The following ASAP2 variants were observed in gnomAD, a reference collection of about 807,000 sequenced individuals.
The protein encoded by ASAP2 is arf-GAP with SH3 domain, ANK repeat and PH domain-containing protein 2.
Under a neutral mutation model 131.4 loss-of-function variants are expected in ASAP2, and 45 were observed. The observed-to-expected ratio is 0.34, with a 90% CI of 0.27 to 0.44. The LOEUF (loss-of-function observed/expected upper bound fraction) is 0.44. ASAP2 is among the 20% of genes least tolerant of loss of function. ASAP2 has a pLI of 1.00. For synonymous variants in ASAP2, 510 were observed against 503.0 expected, an observed-to-expected ratio of 1.01 and a Z score of -0.19; for missense variants, 1,011 against 1,297.0, an observed-to-expected ratio of 0.78 and a Z score of 3.39.
At chr2:9,214,569 G>A (rs1420521382) in intron 1 of ASAP2, among the ~76,000 whole-genome samples, 2 of 151,722 alleles carry the variant, frequency 1.3e-5, no homozygotes, top group Admixed American at 6.6e-5. Context: ...TACCATTATC[G>A]TTTTTATCAT....
chr2:9,372,470 A>T (rs1355737241), intron 16 of ASAP2, among the ~76,000 whole-genome samples: 2 of 152,178 alleles, frequency 1.3e-5, no homozygotes, highest in African/African-American at 2.4e-5. Context: ...AAGCAAAATG[A>T]TGTATAAGAA....
At chr2:9,303,010 A>G (rs1668597727) in intron 3 of ASAP2, among the ~76,000 whole-genome samples, 1 of 152,042 alleles carries the variant, frequency 6.6e-6, no homozygotes, top group Admixed American at 6.5e-5. Flanking sequence ...CCATATTAGT[A>G]AGGCTTGTCT....
intron 1 of ASAP2, among the ~76,000 whole-genome samples, chr2:9,230,984 C>T (rs192060162): frequency 3.7e-3 from 563 of 152,326 alleles, no homozygotes; most frequent in African/African-American, 0.013. Context: ...TTCTTGCTTC[C>T]TGGCAGCACA....
intron 1 of ASAP2, among the ~76,000 whole-genome samples, chr2:9,245,768 C>T (rs1013576448): frequency 2.0e-5 from 3 of 152,022 alleles, no homozygotes; most frequent in Non-Finnish European, 4.4e-5. Context: ...TTAGTCGGTT[C>T]GTCGTCTGCC....
intron 22 of ASAP2, 109 bp from the exon 23 acceptor site, chr2:9,390,953 C>A (rs530146679): frequency 6.5e-7 from 1 of 1,542,606 alleles, no homozygotes. Context: ...TCATACTGAC[C>A]GTTTCATAAG....
chr2:9,317,811 C>T (rs376961986), intron 3 of ASAP2, among the ~76,000 whole-genome samples: 1 of 132,422 alleles, frequency 7.6e-6, no homozygotes, highest in South Asian at 2.3e-4. Context: ...CACACACTCA[C>T]ACAATCACAC....
chr2:9,231,744 C>T (rs1044107055), intron 1 of ASAP2, among the ~76,000 whole-genome samples: 5 of 152,166 alleles, frequency 3.3e-5, no homozygotes, highest in Non-Finnish European at 7.4e-5. Flanking sequence ...AGCCCTTGTG[C>T]CATGCCTTCC....
Position 9,219,088 on chromosome 2 carries a change from T to C in ASAP2, c.126+11858T>C, listed in dbSNP as rs148964508. ...CGTTGGTCTCTTAATTAAAACTTTG[T>C]TGTGCTTTGCTTCTCTGGTGAAAAG... On this transcript the variant is annotated intron_variant, in intron 1 of 27. Coordinates refer to ENST00000281419, the MANE Select transcript of ASAP2 (RefSeq NM_003887.3). Among the ~76,000 whole-genome samples, 950 of 152,344 alleles carry C rather than the reference T, an allele frequency of 6.2e-3. 8 individuals are homozygous for C. Among genetic ancestry groups the C allele is most frequent in the Middle Eastern group, 0.014 (4 of 294 alleles).
In ASAP2 at chr2:9,370,041, T is replaced by G. The variant is rs573703915; in HGVS notation, c.1556+1522T>G. Among the ~76,000 whole-genome samples the G allele has an allele frequency of 5.3e-5, 8 of 152,284 alleles. No homozygotes were observed. The South Asian group carries it at 1.7e-3, about 32-fold the overall frequency. The stretch of plus-strand genomic sequence containing the variant: ...CTTTAGTAGAGATGGGGTTTCACCA[T>G]GTTGGTCAGGCTGGTCTTGAACTCC... On this transcript the variant is annotated intron_variant, in intron 16 of 27. Coordinates refer to ENST00000281419, the MANE Select transcript of ASAP2 (RefSeq NM_003887.3).
intron 2 of ASAP2, among the ~76,000 whole-genome samples, chr2:9,293,976 G>GGAC (rs1437646550): frequency 6.6e-6 from 1 of 151,236 alleles, no homozygotes; most frequent in African/African-American, 2.4e-5. Flanking sequence ...ACATCGTTTA[G>GGAC]AAGATGTATA....
chr2:9,300,251 C>G (rs1668400854), intron 3 of ASAP2, among the ~76,000 whole-genome samples: 1 of 152,216 alleles, frequency 6.6e-6, no homozygotes, highest in Admixed American at 6.5e-5. Flanking sequence ...AAAGAAGCAG[C>G]AGCTAATATC....
In ASAP2 at chr2:9,400,797, G is replaced by T; in HGVS notation, c.2790G>T (p.Gln930His). Reference sequence around the variant, plus strand: ...CTCTGTCCAATGCTATGGTCCTGCAGCCCCCTGCACCCATGCCTAGGAAGT... The same window carrying T: ...CTCTGTCCAATGCTATGGTCCTGCATCCCCCTGCACCCATGCCTAGGAAGT... The part of the protein sequence containing the change: ...LGPLSNAMVL[Q>H]PPAPMPRKSQ... The change falls in exon 26 of 28, where the codon CAG becomes CAT. Residue 930 changes from glutamine (Q) to histidine (H), a missense_variant. Coordinates refer to ENST00000281419, the MANE Select transcript of ASAP2 (RefSeq NM_003887.3). The T allele has an allele frequency of 6.2e-7, 1 of 1,613,708 alleles. No homozygotes were observed. The highest frequency in any genetic ancestry group is 8.5e-7 in the Non-Finnish European group (1 of 1,179,978).
At chr2:9,387,227 A>G (rs894597325) in intron 21 of ASAP2, among the ~76,000 whole-genome samples, 26 of 150,598 alleles carry the variant, frequency 1.7e-4, no homozygotes, top group Non-Finnish European at 2.5e-4. Flanking sequence ...AAAAAAAAAA[A>G]CCATATAACC....
intron 1 of ASAP2, among the ~76,000 whole-genome samples, chr2:9,264,414 A>G (rs890788664): frequency 2.6e-5 from 4 of 152,004 alleles, no homozygotes; most frequent in Non-Finnish European, 5.9e-5. Flanking sequence ...TGGCATTTCC[A>G]GTGTGTCCGG....
intron 16 of ASAP2, among the ~76,000 whole-genome samples, chr2:9,368,725 G>A (rs985694871): frequency 3.3e-5 from 5 of 152,104 alleles, no homozygotes; most frequent in Admixed American, 2.6e-4. Context: ...AAGCAGGCAG[G>A]TTTCGCAGAT....
chr2:9,381,460 A>C (rs1674833604), intron 20 of ASAP2, among the ~76,000 whole-genome samples: 1 of 152,276 alleles, frequency 6.6e-6, no homozygotes, highest in Non-Finnish European at 1.5e-5. Flanking sequence ...AAGGCCAGGC[A>C]CAGTGACTCA....
In ASAP2 at chr2:9,380,738, T is replaced by C; in HGVS notation, c.1949-3T>C. The C allele has an allele frequency of 1.2e-6, 2 of 1,614,204 alleles. No homozygotes were observed. The highest frequency in any genetic ancestry group is 1.1e-5 in the South Asian group (1 of 91,082). ...GCCTCCTTTGCTCGCCCTTGAATTT[T>C]AGCAAACGAGTCAGGAGAGACTCCG... is the stretch of plus-strand genomic sequence containing the variant. On this transcript the variant is annotated splice_polypyrimidine_tract_variant and splice_region_variant and intron_variant, in intron 19 of 27. Transcript: ENST00000281419.
Position 9,391,121 on chromosome 2 carries a change from G to A in ASAP2, c.2443G>A (p.Gly815Arg). The change falls in exon 23 of 28, where the codon GGA (glycine) becomes AGA (arginine). Residue 815 changes from glycine to arginine, a missense_variant. Gly to Arg is a moderately radical substitution (Grantham distance 125). Around this residue, in one of 2 missense-constraint regions of ASAP2, gnomAD observed 652 missense variants for 698.9 expected, o/e 0.93. Coordinates refer to ENST00000281419, the MANE Select transcript of ASAP2 (RefSeq NM_003887.3). The stretch of plus-strand genomic sequence containing the variant: ...GACAAACTCTGTAAGTGTGGACGGT[G>A]GAAGCCGGCAGCGATCTTCGTCAGA... Reference protein sequence around the residue: ...WKTNSVSVDGGSRQRSSSDPP... With the variant: ...WKTNSVSVDGRSRQRSSSDPP... 2 of 1,614,210 alleles carry A rather than the reference G, an allele frequency of 1.2e-6. No individual in the cohort carries two copies. Among genetic ancestry groups the A allele is most frequent in the South Asian group, 1.1e-5 (1 of 91,084 alleles).
intron 1 of ASAP2, among the ~76,000 whole-genome samples, chr2:9,277,912 A>G (rs144885111): frequency 1.4e-3 from 217 of 152,310 alleles, no homozygotes; most frequent in African/African-American, 5.1e-3. Flanking sequence ...TAAAATTATC[A>G]TTGTGGCATT....
Sources: allele counts gnomAD v4.1 joint callset (sites outside exome capture counted in the v4.1 genomes callset), GRCh38; gene constraint gnomAD v4.1.1; regional missense constraint gnomAD v4.1.1; transcripts MANE v1.5; gene names NCBI Gene and HGNC (gene_info 2026-07-23, HGNC 2026-07-21).